The following ANKRD18A variants were observed in gnomAD, a reference collection of about 807,000 sequenced individuals.
ANKRD18A encodes the protein ankyrin repeat domain-containing protein 18A.
A neutral mutation model predicts 110.6 loss-of-function variants in ANKRD18A; 72 were observed. The observed-to-expected ratio is 0.65, with a 90% CI of 0.54 to 0.79. The LOEUF is 0.79. Among genes scored for constraint, ANKRD18A ranks in the 30% least tolerant of loss-of-function variants. ANKRD18A has a pLI of 0.00. For missense variants in ANKRD18A, 934 were observed against 1,163.3 expected, an observed-to-expected ratio of 0.80 and a Z score of 2.87; for synonymous variants, 305 against 410.3, an observed-to-expected ratio of 0.74 and a Z score of 3.10.
At chr9:38,573,084 T>C (rs1823722561) in intron 15 of ANKRD18A, 3 of 1,417,068 alleles carry the variant, frequency 2.1e-6, no homozygotes, top group Non-Finnish European at 2.8e-6. Context: ...GGCAACATAC[T>C]TTTCTTTGTT....
At chr9:38,569,945 C>T (rs1425513112), downstream of ANKRD18A, among the ~76,000 whole-genome samples, 3 of 152,164 alleles carry the variant, frequency 2.0e-5, no homozygotes, top group African/African-American at 4.8e-5. Context: ...CTGAATTCAA[C>T]ACATCTTCTC....
chr9:38,612,254 A>G (rs1366643836), intron 3 of ANKRD18A, among the ~76,000 whole-genome samples: 3 of 152,232 alleles, frequency 2.0e-5, no homozygotes, highest in African/African-American at 7.2e-5. Context: ...ACTTTTTGAA[A>G]ATAAATATTA....
chr9:38,572,374 G>A (rs2118612277), intron 15 of ANKRD18A: 1 of 207,354 alleles, frequency 4.8e-6, no homozygotes, highest in East Asian at 1.4e-4. Flanking sequence ...TAACCTAAAA[G>A]ACCGGCAGGT....
At chr9:38,581,630 C>G (rs1021730592) in intron 12 of ANKRD18A, among the ~76,000 whole-genome samples, 43 of 152,124 alleles carry the variant, frequency 2.8e-4, no homozygotes, top group African/African-American at 8.9e-4. Context: ...ATAAACACAG[C>G]ATACTTTGAG....
chr9:38,588,693 G>C (rs781279882), intron 10 of ANKRD18A, 30 bp from the exon 11 acceptor site: 3 of 1,202,482 alleles, frequency 2.5e-6, no homozygotes, highest in Non-Finnish European at 3.2e-6. Context: ...AATTATTTTT[G>C]TAAAATCTAG....
Position 38,581,120 on chromosome 9 carries a change from C to A in ANKRD18A, c.2248-2972G>T, listed in dbSNP as rs553652224. Among the ~76,000 whole-genome samples the A allele has an allele frequency of 8.0e-3, 1,219 of 152,214 alleles. 19 individuals are homozygous for A. Among genetic ancestry groups the A allele is most frequent in the African/African-American group, 0.028 (1,161 of 41,532 alleles). On this transcript the variant is annotated intron_variant, in intron 12 of 15. Transcript: ENST00000399703. The stretch of plus-strand genomic sequence containing the variant: ...GTTCATGAACAAAATAAATGTTTTT[C>A]TTTTAAGCCACAAAACTCTGGGTAA...
At chr9:38,585,538 G>A (rs1824343431) in intron 12 of ANKRD18A, among the ~76,000 whole-genome samples, 1 of 152,068 alleles carries the variant, frequency 6.6e-6, no homozygotes, top group Admixed American at 6.5e-5. Flanking sequence ...GGTAATCCAG[G>A]GCCACAGTCA....
At chr9:38,571,086 A>G, downstream of ANKRD18A, 1 of 1,507,560 alleles carries the variant, frequency 6.6e-7, no homozygotes, top group Non-Finnish European at 8.8e-7. Context: ...GACTGTCCCC[A>G]GACAGCTAGA....
intron 14 of ANKRD18A, among the ~76,000 whole-genome samples, chr9:38,576,820 AC>A (rs1667822098): frequency 6.6e-6 from 1 of 152,206 alleles, no homozygotes; most frequent in Admixed American, 6.5e-5. Context: ...ACTACATGAG[AC>A]TTTTCAGGGG....
intron 12 of ANKRD18A, among the ~76,000 whole-genome samples, chr9:38,581,034 C>T (rs1824139453): frequency 6.6e-6 from 1 of 152,204 alleles, no homozygotes; most frequent in South Asian, 2.1e-4. Flanking sequence ...TCTCCAACTT[C>T]CTAGGGAACC....
At chr9:38,612,524 T>TTTTTC (rs1554679679) in intron 3 of ANKRD18A, among the ~76,000 whole-genome samples, 5 of 147,718 alleles carry the variant, frequency 3.4e-5, no homozygotes, top group African/African-American at 1.3e-4. Context: ...TCTTTTTCTT[T>TTTTTC]TTTTTTTTTT....
intron 1 of ANKRD18A, among the ~76,000 whole-genome samples, chr9:38,618,280 T>G (rs1825938943): frequency 6.6e-6 from 1 of 152,154 alleles, no homozygotes; most frequent in South Asian, 2.1e-4. Context: ...ATACAAATGC[T>G]CAGAAGTTAC....
At chr9:38,584,149 T>A (rs1824276167) in intron 12 of ANKRD18A, among the ~76,000 whole-genome samples, 1 of 152,230 alleles carries the variant, frequency 6.6e-6, no homozygotes, top group African/African-American at 2.4e-5. Context: ...TTTCACTTAA[T>A]AAATTCTGTC....
At chr9:38,576,075 C>T (rs528638245) in intron 14 of ANKRD18A, among the ~76,000 whole-genome samples, 1,597 of 152,098 alleles carry the variant, frequency 0.01, 18 homozygotes, top group Middle Eastern at 0.027. Context: ...AAAATGATTA[C>T]GTTAATTTGC....
chr9:38,578,216 G>C, intron 12 of ANKRD18A, 68 bp from the exon 13 acceptor site: 3 of 1,414,512 alleles, frequency 2.1e-6, no homozygotes, highest in Non-Finnish European at 2.8e-6. Flanking sequence ...AAAACCAATA[G>C]CAAATTTTGA....
At chr9:38,581,269 G>GA (rs1341506619) in intron 12 of ANKRD18A, among the ~76,000 whole-genome samples, 1 of 152,172 alleles carries the variant, frequency 6.6e-6, no homozygotes, top group East Asian at 1.9e-4. Flanking sequence ...ACATTATTGA[G>GA]AAACAGCAGA....
intron 6 of ANKRD18A, among the ~76,000 whole-genome samples, chr9:38,606,634 A>G (rs1216870740): frequency 5.3e-5 from 8 of 152,204 alleles, no homozygotes; most frequent in Non-Finnish European, 1.0e-4. Context: ...TACGTTTGGA[A>G]GGAGTCAAAG....
rs1306660293 is a variant in ANKRD18A at position 38,586,271 on chromosome 9, G to A, written c.2159C>T (p.Ala720Val). The change falls in exon 12 of 16, where the codon GCA becomes GTA. Residue 720 changes from alanine to valine, a missense_variant. Ala to Val is a moderately conservative substitution (Grantham distance 64). Coordinates refer to ENST00000399703, the MANE Select transcript of ANKRD18A (RefSeq NM_147195.4). ...CLEMTINMLN[A>V]FANEDFSCHG... ...GCAACTGAAGTCCTCATTTGCAAAT[G>A]CATTTAACATATTTATTGTCATTTC... 16 of 1,602,926 alleles carry A rather than the reference G, an allele frequency of 1.0e-5. No homozygotes were observed. Among genetic ancestry groups the A allele is most frequent in the African/African-American group, 9.4e-5 (7 of 74,550 alleles).
rs1824376995 is a variant in ANKRD18A, at chr9:38,586,286, A to G, written c.2144T>C (p.Ile715Thr). ...ATTTGCAAATGCATTTAACATATTT[A>G]TTGTCATTTCTAGGCATTTCTTATA... ...TGYKKCLEMTINMLNAFANED... is the reference protein window; with the variant it reads ...TGYKKCLEMTTNMLNAFANED... Residue 715 changes from isoleucine to threonine, a missense_variant, in exon 12 of 16, where the codon ATA (isoleucine) becomes ACA (threonine). Physicochemically the swap from Ile to Thr is moderately conservative, Grantham distance 89 (BLOSUM62 -1). Transcript: ENST00000399703. The G allele has an allele frequency of 6.3e-7, 1 of 1,598,324 alleles. No individual in the cohort carries two copies. The highest frequency in any genetic ancestry group is 1.3e-5 in the African/African-American group (1 of 74,530).
Sources: allele counts gnomAD v4.1 joint callset (sites outside exome capture counted in the v4.1 genomes callset), GRCh38; gene constraint gnomAD v4.1.1; transcripts MANE v1.5; gene names NCBI Gene and HGNC (gene_info 2026-07-23, HGNC 2026-07-21).